The following CALCR variants were observed in gnomAD, a reference collection of about 807,000 sequenced individuals.
The protein encoded by CALCR is calcitonin receptor.
A neutral mutation model predicts 59.5 loss-of-function variants in CALCR; 47 were observed. The observed-to-expected ratio is 0.79, with a 90% CI of 0.63 to 1.01. The LOEUF (loss-of-function observed/expected upper bound fraction) is 1.01, where lower values mean the gene tolerates loss of function less well. Ranked by LOEUF, CALCR falls within the 50% of genes least tolerant of loss-of-function variation. The pLI is 0.00. For synonymous variants in CALCR, 213 were observed against 211.3 expected, an observed-to-expected ratio of 1.01 and a Z score of -0.07; for missense variants, 566 against 597.1, an observed-to-expected ratio of 0.95 and a Z score of 0.54.
chr7:93,513,400 T>C (rs934076849), intron 2 of CALCR, among the ~76,000 whole-genome samples: 1 of 152,196 alleles, frequency 6.6e-6, no homozygotes, highest in East Asian at 1.9e-4. Flanking sequence ...TACTACAGTA[T>C]AGAACCACTG....
At position 93,453,526 on chromosome 7, in the gene CALCR, T is replaced by C. The variant is rs541105831; in HGVS notation, c.648+7295A>G. On this transcript the variant is annotated intron_variant, in intron 8 of 13. Coordinates refer to ENST00000426151, the MANE Select transcript of CALCR (RefSeq NM_001742.4). ...AATGATCCAACATACCCTAACGGAG[T>C]GTGCAAACCTCTACCATCTCAATTG... Among the ~76,000 whole-genome samples the C allele has an allele frequency of 2.6e-5, 4 of 151,976 alleles. No homozygotes were observed. In the East Asian group the frequency reaches 7.8e-4, roughly 30 times the overall value.
chr7:93,498,121 T>C (rs1801249100), intron 2 of CALCR, among the ~76,000 whole-genome samples: 1 of 151,650 alleles, frequency 6.6e-6, no homozygotes, highest in Non-Finnish European at 1.5e-5. Context: ...AACAAAACAA[T>C]GATATAAGAT....
intron 13 of CALCR, among the ~76,000 whole-genome samples, chr7:93,428,210 G>A (rs1303037040): frequency 1.3e-5 from 2 of 152,148 alleles, no homozygotes; most frequent in African/African-American, 4.8e-5. Context: ...ACTAAGTACC[G>A]TATCATAAGT....
At chr7:93,498,993 C>G (rs897471389) in intron 2 of CALCR, among the ~76,000 whole-genome samples, 1 of 151,578 alleles carries the variant, frequency 6.6e-6, no homozygotes, top group Non-Finnish European at 1.5e-5. Flanking sequence ...CCCAGAAGAA[C>G]TTCAAACTCA....
At chr7:93,557,350 T>C (rs1056802650) in intron 2 of CALCR, among the ~76,000 whole-genome samples, 2 of 151,846 alleles carry the variant, frequency 1.3e-5, no homozygotes, top group African/African-American at 4.8e-5. Context: ...GTATACATTG[T>C]GGAATGGCTA....
intron 5 of CALCR, among the ~76,000 whole-genome samples, chr7:93,476,619 T>G (rs1045419332): frequency 1.3e-5 from 2 of 151,830 alleles, no homozygotes; most frequent in Admixed American, 1.3e-4. Context: ...AACCTTGCCT[T>G]GTAGTCACTA....
intron 2 of CALCR, among the ~76,000 whole-genome samples, chr7:93,493,159 T>C (rs186547487): frequency 7.9e-5 from 12 of 151,512 alleles, no homozygotes; most frequent in Non-Finnish European, 1.5e-4. Flanking sequence ...TATATATCTC[T>C]GGCACATCAC....
intron 11 of CALCR, among the ~76,000 whole-genome samples, chr7:93,436,819 C>T (rs1799788560): frequency 6.6e-6 from 1 of 152,110 alleles, no homozygotes; most frequent in Non-Finnish European, 1.5e-5. Flanking sequence ...TGGAAGGAAT[C>T]AGAATTTACT....
At chr7:93,468,491 T>C (rs1366607280) in intron 7 of CALCR, among the ~76,000 whole-genome samples, 2 of 151,752 alleles carry the variant, frequency 1.3e-5, no homozygotes, top group African/African-American at 2.4e-5. Context: ...TCTCAAGATA[T>C]AGTACTTTTG....
At chr7:93,489,077 A>G (rs192688279) in intron 2 of CALCR, among the ~76,000 whole-genome samples, 16 of 151,798 alleles carry the variant, frequency 1.1e-4, no homozygotes, top group Admixed American at 3.3e-4. Context: ...TCAGACCACA[A>G]TGCAATCAAA....
At chr7:93,569,881 G>A (rs926713886) in intron 2 of CALCR, among the ~76,000 whole-genome samples, 4 of 151,338 alleles carry the variant, frequency 2.6e-5, no homozygotes, top group Non-Finnish European at 4.4e-5. Flanking sequence ...GGGTTGCAGC[G>A]AGACATGAAA....
Position 93,460,870 on chromosome 7 carries a change from A to G in CALCR, c.599T>C (p.Ile200Thr). 1.2e-6 allele frequency: 2 copies of G among 1,611,742 alleles called. No homozygotes were observed. Among genetic ancestry groups the G allele is most frequent in the African/African-American group, 1.3e-5 (1 of 74,862 alleles). Reference protein sequence around the residue: ...TYILNSMIIIIHLVEVVPNGE... With the variant: ...TYILNSMIIITHLVEVVPNGE... The stretch of plus-strand genomic sequence containing the variant: ...ATTGGGTACTACTTCAACCAGGTGG[A>G]TGATGATAATCATAGAATTCAGAAT... The change falls in exon 8 of 14, where the codon ATC becomes ACC. Residue 200 changes from isoleucine (I) to threonine (T), a missense_variant. Coordinates refer to ENST00000426151, the MANE Select transcript of CALCR (RefSeq NM_001742.4).
chr7:93,428,783 T>C (rs2115654652), intron 13 of CALCR, among the ~76,000 whole-genome samples: 1 of 121,578 alleles, frequency 8.2e-6, no homozygotes, highest in Non-Finnish European at 1.6e-5. Context: ...CGAGACTCCG[T>C]CTCAAAAAAA....
chr7:93,484,894 G>T (rs1330638664), intron 3 of CALCR, among the ~76,000 whole-genome samples: 1 of 151,656 alleles, frequency 6.6e-6, no homozygotes, highest in African/African-American at 2.4e-5. Flanking sequence ...GGAGGGAGAG[G>T]AATTGAGTGG....
chr7:93,487,909 A>T (rs1249155660), intron 2 of CALCR, among the ~76,000 whole-genome samples: 2 of 151,506 alleles, frequency 1.3e-5, no homozygotes, highest in South Asian at 2.1e-4. Flanking sequence ...TACAGAGAAC[A>T]CCACTAAGAT....
At chr7:93,527,544 A>C (rs1788696730) in intron 2 of CALCR, among the ~76,000 whole-genome samples, 4 of 152,082 alleles carry the variant, frequency 2.6e-5, no homozygotes, top group Admixed American at 2.6e-4. Flanking sequence ...TTGAGTGATA[A>C]TTTTTAAATT....
chr7:93,456,078 T>C (rs1439338199), intron 8 of CALCR, among the ~76,000 whole-genome samples: 1 of 152,128 alleles, frequency 6.6e-6, no homozygotes, highest in Non-Finnish European at 1.5e-5. Flanking sequence ...TGTGTTAAAA[T>C]AGAGAAAGTG....
chr7:93,507,638 T>A (rs1484149484), intron 2 of CALCR, among the ~76,000 whole-genome samples: 2 of 150,604 alleles, frequency 1.3e-5, no homozygotes, highest in Non-Finnish European at 3.0e-5. Flanking sequence ...TCAGGCGCAG[T>A]GTCTCATGCC....
chr7:93,431,686 A>G (rs894737544), intron 13 of CALCR, among the ~76,000 whole-genome samples: 3 of 152,230 alleles, frequency 2.0e-5, no homozygotes, highest in African/African-American at 7.2e-5. Flanking sequence ...AGTCTCTTGA[A>G]AGCAAGATAA....
Sources: allele counts gnomAD v4.1 joint callset (sites outside exome capture counted in the v4.1 genomes callset), GRCh38; gene constraint gnomAD v4.1.1; transcripts MANE v1.5; gene names NCBI Gene and HGNC (gene_info 2026-07-23, HGNC 2026-07-21).